Variants in LAPTM4B observed in about 807,000 individuals in gnomAD.
The protein encoded by LAPTM4B is lysosomal-associated transmembrane protein 4B.
A neutral mutation model predicts 28.5 loss-of-function variants in LAPTM4B; 26 were observed. The observed-to-expected ratio is 0.91, with a 90% CI of 0.67 to 1.27. LAPTM4B has a LOEUF of 1.27. LAPTM4B is among the 50% of genes most tolerant of loss of function. LAPTM4B has a pLI of 0.00. For synonymous variants in LAPTM4B, 109 were observed against 106.4 expected (o/e 1.02, Z -0.15); for missense variants, 288 against 285.8 (o/e 1.01, Z -0.06).
At chr8:97,827,230 T>A (rs773814165) in intron 6 of LAPTM4B, among the ~76,000 whole-genome samples, 2 of 152,208 alleles carry the variant, frequency 1.3e-5, no homozygotes, top group Non-Finnish European at 2.9e-5. Context: ...TCTGACTTAC[T>A]TCTGCACTAA....
chr8:97,840,627 C>A (rs1817330260), intron 6 of LAPTM4B, among the ~76,000 whole-genome samples: 1 of 150,498 alleles, frequency 6.6e-6, no homozygotes, highest in Non-Finnish European at 1.5e-5. Flanking sequence ...GGTACTGTTA[C>A]AAGGCACAGC....
chr8:97,817,207 C>T (rs987150153), intron 4 of LAPTM4B, among the ~76,000 whole-genome samples: 3 of 152,066 alleles, frequency 2.0e-5, no homozygotes, highest in Admixed American at 1.3e-4. Flanking sequence ...TTATGGCTTG[C>T]TGCAGCGTTG....
intron 1 of LAPTM4B, among the ~76,000 whole-genome samples, chr8:97,804,518 A>C (rs1816731383): frequency 6.6e-6 from 1 of 152,192 alleles, no homozygotes; most frequent in South Asian, 2.1e-4. Flanking sequence ...GTTCCTGGGC[A>C]GTGTTTTTTA....
intron 6 of LAPTM4B, among the ~76,000 whole-genome samples, chr8:97,831,359 T>C (rs984369800): frequency 6.6e-6 from 1 of 152,168 alleles, no homozygotes; most frequent in Non-Finnish European, 1.5e-5. Context: ...GGGTTTGAAT[T>C]TGCAGACTCG....
chr8:97,844,120 G>C (rs930332742), intron 6 of LAPTM4B, among the ~76,000 whole-genome samples: 12 of 151,676 alleles, frequency 7.9e-5, no homozygotes, highest in African/African-American at 2.7e-4. Context: ...GGGGAGAGGG[G>C]GGTCTCTGTC....
intron 2 of LAPTM4B, among the ~76,000 whole-genome samples, chr8:97,807,056 A>G (rs968662087): frequency 2.0e-5 from 3 of 151,814 alleles, no homozygotes; most frequent in Non-Finnish European, 4.4e-5. Flanking sequence ...GTCCAGTTAA[A>G]CCTCTTTTTC....
At chr8:97,782,042 G>A (rs1816329069) in intron 1 of LAPTM4B, among the ~76,000 whole-genome samples, 1 of 150,292 alleles carries the variant, frequency 6.7e-6, no homozygotes, top group East Asian at 2.0e-4. Context: ...GTGCAATGGT[G>A]CGATCTCGGC....
chr8:97,781,311 C>CTTTTTTTTTTT (rs1816309430), intron 1 of LAPTM4B, among the ~76,000 whole-genome samples: 2 of 52,180 alleles, frequency 3.8e-5, no homozygotes, highest in African/African-American at 1.9e-4. Flanking sequence ...AGGAGTTTTG[C>CTTTTTTTTTTT]TCTTATTGCT....
rs1817426767 is a variant in LAPTM4B, at chr8:97,845,905, TTC to T, written c.604-5491_604-5490del. Reference sequence around the variant, plus strand: ...TCCCCTCCCCTCCCCTCCCCTCCCCTTCCCTTCGACAGGGTCTTGCTCTGTCA... The same window carrying T: ...TCCCCTCCCCTCCCCTCCCCTCCCCTCCTTCGACAGGGTCTTGCTCTGTCA... On this transcript the variant is annotated intron_variant, in intron 6 of 6. Coordinates refer to ENST00000521545, the MANE Select transcript of LAPTM4B (RefSeq NM_018407.6). Among the ~76,000 whole-genome samples, 2 of 53,336 alleles carry T rather than the reference TTC, an allele frequency of 3.7e-5. 1 individual carries two copies. The highest frequency in any genetic ancestry group is 6.9e-5 in the Non-Finnish European group (2 of 28,942). 35.0% of individuals were successfully genotyped at this position (53,336 alleles called of 152,430 possible). A position where few individuals can be genotyped will look rare whatever the true frequency, so the allele number is the denominator to read the frequency against.
At chr8:97,817,677 T>A (rs1586334300) in intron 4 of LAPTM4B, among the ~76,000 whole-genome samples, 1 of 152,002 alleles carries the variant, frequency 6.6e-6, no homozygotes, top group African/African-American at 2.4e-5. Flanking sequence ...CTCAAACATT[T>A]AGCCTCAGAG....
chr8:97,816,384 G>A (rs899701293), intron 4 of LAPTM4B, among the ~76,000 whole-genome samples: 3 of 151,728 alleles, frequency 2.0e-5, no homozygotes, highest in Non-Finnish European at 2.9e-5. Context: ...ATGCGATCTC[G>A]GCTCACTGCA....
chr8:97,843,813 AAATC>A (rs141338644), intron 6 of LAPTM4B, among the ~76,000 whole-genome samples: 4,415 of 146,268 alleles, frequency 0.03, 206 homozygotes, highest in African/African-American at 0.1. Context: ...ATAAATAAAT[AAATC>A]ATTTGCTTAC....
chr8:97,824,539 T>C (rs1400746774), intron 5 of LAPTM4B, among the ~76,000 whole-genome samples: 1 of 152,168 alleles, frequency 6.6e-6, no homozygotes, highest in Non-Finnish European at 1.5e-5. Flanking sequence ...ATTTCGTTAA[T>C]AAAGGGGAAA....
chr8:97,832,952 C>T (rs1445327770), intron 6 of LAPTM4B, among the ~76,000 whole-genome samples: 4 of 150,562 alleles, frequency 2.7e-5, no homozygotes, highest in Non-Finnish European at 5.9e-5. Context: ...GTGATCCACC[C>T]ACCTCTGCCT....
chr8:97,788,209 A>G, intron 1 of LAPTM4B: 1 of 270,422 alleles, frequency 3.7e-6, no homozygotes, highest in East Asian at 1.1e-4. Context: ...GTAATTCCTT[A>G]TAGATCCAGC....
chr8:97,785,717 C>T (rs994992191), intron 1 of LAPTM4B, among the ~76,000 whole-genome samples: 80 of 152,164 alleles, frequency 5.3e-4, no homozygotes, highest in African/African-American at 1.9e-3. Context: ...AACATTGGTT[C>T]GTGATTGGCT....
rs1816966436 is a variant in LAPTM4B at position 97,819,160 on chromosome 8, A to G, written c.429A>G (p.Arg143=). Residue 143 remains arginine, a synonymous_variant, in exon 5 of 7, where the codon AGA becomes AGG. Coordinates refer to ENST00000521545, the MANE Select transcript of LAPTM4B (RefSeq NM_018407.6). ...TGCAGCCTCCTAATTTTCCCTACAG[A>G]GATGATGTCATGTCAGTGAATCCTA... ...IRQLPPNFPY[R]DDVMSVNPTC... The G allele has an allele frequency of 1.9e-6, 3 of 1,607,106 alleles. No homozygotes were observed. The highest frequency in any genetic ancestry group is 2.6e-6 in the Non-Finnish European group (3 of 1,176,162).
chr8:97,775,845 C>G lies in LAPTM4B; in HGVS notation c.-165C>G. ...GAAGGGTACCGACCCGGCAGAAGCT[C>G]GGAGCTCTCGGGGTATCGAGGAGGC... On this transcript the variant is annotated 5_prime_UTR_variant, in exon 1 of 7. Transcript: ENST00000521545. 6.5e-7 allele frequency: 1 copy of G among 1,536,476 alleles called. No individual in the cohort carries two copies. Among genetic ancestry groups the G allele is most frequent in the Non-Finnish European group, 8.7e-7 (1 of 1,146,678 alleles).
At position 97,815,371 on chromosome 8, in the gene LAPTM4B, A is replaced by G. The variant is rs768842906; in HGVS notation, c.255A>G (p.Ile85Met). The G allele has an allele frequency of 6.2e-7, 1 of 1,613,882 alleles. No individual in the cohort carries two copies. Among genetic ancestry groups the G allele is most frequent in the South Asian group, 1.1e-5 (1 of 91,080 alleles). Residue 85 changes from isoleucine (I) to methionine (M), a missense_variant, in exon 3 of 7, where the codon ATA (isoleucine) becomes ATG (methionine). Transcript: ENST00000521545. ...CGATTTCTCTTCTCATGATCCTGAT[A>G]TGTGCTATGGCTACTTACGGAGCGT... ...AIAISLLMIL[I>M]CAMATYGAYK... is the part of the protein sequence containing the mutation.
Sources: allele counts gnomAD v4.1 joint callset (sites outside exome capture counted in the v4.1 genomes callset), GRCh38; gene constraint gnomAD v4.1.1; transcripts MANE v1.5; gene names NCBI Gene and HGNC (gene_info 2026-07-23, HGNC 2026-07-21).